The following IL22RA2 variants were observed in gnomAD, a reference collection of about 807,000 sequenced individuals.
IL22RA2 encodes interleukin-22 receptor subunit alpha-2.
In IL22RA2, 39 loss-of-function variants were observed where a neutral mutation model predicts 30.7. The ratio of observed to expected loss-of-function variants is 1.27; its 90% CI spans 0.98 to 1.66. IL22RA2 has a LOEUF of 1.66. Among genes scored for constraint, IL22RA2 ranks in the 40% most tolerant of loss-of-function variants. The pLI, the probability that IL22RA2 is intolerant of heterozygous loss-of-function variation, is 0.00. For missense variants in IL22RA2, 315 were observed against 312.7 expected (o/e 1.01, Z -0.05); for synonymous variants, 103 against 105.0 (o/e 0.98, Z 0.11).
intron 6 of IL22RA2, among the ~76,000 whole-genome samples, chr6:137,146,684 C>G (rs556693046): frequency 6.6e-6 from 1 of 152,138 alleles, no homozygotes; most frequent in South Asian, 2.1e-4. Flanking sequence ...ACAGAAGCAC[C>G]GATGGTGGAT....
intron 5 of IL22RA2, among the ~76,000 whole-genome samples, chr6:137,149,018 T>C (rs1429630612): frequency 6.6e-6 from 1 of 152,214 alleles, no homozygotes; most frequent in Non-Finnish European, 1.5e-5. Context: ...CTTTACTCTT[T>C]AACAGCTCTC....
intron 1 of IL22RA2, among the ~76,000 whole-genome samples, chr6:137,170,359 C>T (rs772219473): frequency 5.3e-5 from 8 of 152,106 alleles, no homozygotes; most frequent in East Asian, 1.9e-4. Context: ...CTTACATTCA[C>T]GTTAAAAGGG....
Position 137,161,763 on chromosome 6 carries a change from A to G in IL22RA2, c.-14T>C, listed in dbSNP as rs2114382947. 1 of 1,610,654 alleles carries G rather than the reference A, an allele frequency of 6.2e-7. No homozygotes were observed. Among genetic ancestry groups the G allele is most frequent in the Non-Finnish European group, 8.5e-7 (1 of 1,177,394 alleles). The stretch of plus-strand genomic sequence containing the variant: ...TTTAGGCATCATGGTTGCAAGTGTG[A>G]CTGTTCAGGCAACCAGTGTTCCTTT... On this transcript the variant is annotated 5_prime_UTR_variant, in exon 2 of 7. Transcript: ENST00000296980.
chr6:137,157,038 C>T (rs1055567438), intron 3 of IL22RA2, among the ~76,000 whole-genome samples, 184 bp from the exon 4 acceptor site: 1 of 152,138 alleles, frequency 6.6e-6, no homozygotes, highest in African/African-American at 2.4e-5. Context: ...ATCCCCATGA[C>T]CCAAACACCT....
At chr6:137,156,435 G>A (rs1778408830) in intron 4 of IL22RA2, among the ~76,000 whole-genome samples, 1 of 152,156 alleles carries the variant, frequency 6.6e-6, no homozygotes, top group Non-Finnish European at 1.5e-5. Context: ...CATATATTGA[G>A]TATAATTTGA....
intron 1 of IL22RA2, among the ~76,000 whole-genome samples, chr6:137,164,707 A>G (rs903887993): frequency 3.3e-5 from 5 of 152,224 alleles, no homozygotes; most frequent in Non-Finnish European, 7.3e-5. Context: ...CTCCAGGGTG[A>G]TGAGGTCGGC....
intron 5 of IL22RA2, among the ~76,000 whole-genome samples, chr6:137,148,374 G>A (rs1476735411): frequency 1.3e-5 from 2 of 152,112 alleles, no homozygotes; most frequent in African/African-American, 4.8e-5. Context: ...CCACATCCAG[G>A]CTAGTCTGAC....
At chr6:137,162,483 T>A (rs1183740245) in intron 1 of IL22RA2, among the ~76,000 whole-genome samples, 1 of 152,192 alleles carries the variant, frequency 6.6e-6, no homozygotes, top group East Asian at 1.9e-4. Flanking sequence ...TTTGAGCCTG[T>A]CAAACCACAT....
chr6:137,172,554 T>C (rs987630567), intron 1 of IL22RA2, among the ~76,000 whole-genome samples: 1 of 152,248 alleles, frequency 6.6e-6, no homozygotes, highest in Non-Finnish European at 1.5e-5. Context: ...TGCTGTTTTG[T>C]TTGGGAAGTA....
rs375007805 is a variant in IL22RA2 at position 137,158,494 on chromosome 6, A to T, written c.62-12T>A. ...CGTTGACTGAGTTCCTAAGATAATA[A>T]GAGAAGGAAGAACATTGAACGTTGC... On this transcript the variant is annotated splice_polypyrimidine_tract_variant and intron_variant, in intron 2 of 6. Coordinates refer to ENST00000296980, the MANE Select transcript of IL22RA2 (RefSeq NM_052962.3). 15 of 1,613,654 alleles carry T rather than the reference A, an allele frequency of 9.3e-6. No individual in the cohort carries two copies. The highest frequency in any genetic ancestry group is 1.2e-5 in the Non-Finnish European group (14 of 1,179,810).
At chr6:137,159,423 C>T (rs1199442000) in intron 2 of IL22RA2, among the ~76,000 whole-genome samples, 10 of 151,964 alleles carry the variant, frequency 6.6e-5, no homozygotes, top group East Asian at 3.9e-4. Flanking sequence ...CGGATTCAAG[C>T]GATTCTCCTG....
intron 1 of IL22RA2, among the ~76,000 whole-genome samples, chr6:137,169,800 C>T (rs151190065): frequency 7.4e-4 from 112 of 152,318 alleles, no homozygotes; most frequent in African/African-American, 2.6e-3. Context: ...CAGGTTAGTA[C>T]TGAATTATGT....
At chr6:137,173,363 G>A (rs544289973) in intron 1 of IL22RA2, 50 bp downstream of exon 1, 5 of 152,326 alleles carry the variant, frequency 3.3e-5, no homozygotes, top group South Asian at 4.1e-4. Context: ...GCGATAAAGC[G>A]AGAGTCCATC....
chr6:137,147,063 G>T (rs1778193288), intron 6 of IL22RA2, among the ~76,000 whole-genome samples: 1 of 150,898 alleles, frequency 6.6e-6, no homozygotes, highest in East Asian at 2.0e-4. Flanking sequence ...TTAAAATAAG[G>T]TGTGAGGCCG....
At chr6:137,170,537 C>A (rs533420763) in intron 1 of IL22RA2, among the ~76,000 whole-genome samples, 1 of 152,244 alleles carries the variant, frequency 6.6e-6, no homozygotes, top group African/African-American at 2.4e-5. Flanking sequence ...ATGTAACAAA[C>A]GTTGTAATAC....
intron 2 of IL22RA2, among the ~76,000 whole-genome samples, chr6:137,159,274 A>G (rs11154914): frequency 0.16 from 24,154 of 152,116 alleles, 2,123 homozygotes; most frequent in Non-Finnish European, 0.19. Context: ...TTAGGGTTCA[A>G]GGTTTTTTAT....
chr6:137,151,818 G>A (rs192466829), intron 5 of IL22RA2, among the ~76,000 whole-genome samples: 118 of 152,228 alleles, frequency 7.8e-4, no homozygotes, highest in Non-Finnish European at 1.6e-3. Flanking sequence ...TCATTAATTA[G>A]CAGGTAAATG....
intron 5 of IL22RA2, among the ~76,000 whole-genome samples, chr6:137,153,378 G>T (rs932175947): frequency 2.6e-5 from 4 of 152,098 alleles, no homozygotes; most frequent in Non-Finnish European, 4.4e-5. Context: ...ATTGGTAAAT[G>T]CTCCAATTGG....
chr6:137,162,988 C>G (rs1778551847), intron 1 of IL22RA2, among the ~76,000 whole-genome samples: 1 of 152,126 alleles, frequency 6.6e-6, no homozygotes, highest in Non-Finnish European at 1.5e-5. Flanking sequence ...ACCTTACACT[C>G]AAGTTAAAAG....
Sources: allele counts gnomAD v4.1 joint callset (sites outside exome capture counted in the v4.1 genomes callset), GRCh38; gene constraint gnomAD v4.1.1; transcripts MANE v1.5; gene names NCBI Gene and HGNC (gene_info 2026-07-23, HGNC 2026-07-21).